The following SLIT2 variants were observed in gnomAD, a reference collection of about 807,000 sequenced individuals.
SLIT2 encodes the protein slit guidance ligand 2, also known as slit homolog 2 protein.
SLIT2 carries 41 observed loss-of-function variants against 185.7 expected under a neutral mutation model. The observed-to-expected ratio is 0.22, with a 90% CI of 0.17 to 0.29. The LOEUF is 0.29. SLIT2 is among the 10% of genes least tolerant of loss of function. The pLI is 1.00. For synonymous variants in SLIT2, 693 were observed against 680.2 expected, an observed-to-expected ratio of 1.02 and a Z score of -0.29; for missense variants, 1,571 against 1,909.0, an observed-to-expected ratio of 0.82 and a Z score of 3.30.
At chr4:20,597,533 A>C (rs1362661197) in intron 32 of SLIT2, among the ~76,000 whole-genome samples, 1 of 152,232 alleles carries the variant, frequency 6.6e-6, no homozygotes, top group Non-Finnish European at 1.5e-5. Context: ...TATAGTGTAC[A>C]TGGGGCAAAT....
At chr4:20,464,887 T>C (rs1332725373) in intron 4 of SLIT2, among the ~76,000 whole-genome samples, 1 of 152,184 alleles carries the variant, frequency 6.6e-6, no homozygotes, top group African/African-American at 2.4e-5. Context: ...ATTCGCCTCA[T>C]CTTCTTTACT....
Position 20,458,390 on chromosome 4 carries a change from A to AAGGTACCATTT in SLIT2, c.396-9360_396-9350dup, listed in dbSNP as rs550969743. Among the ~76,000 whole-genome samples, 79 of 152,296 alleles carry AAGGTACCATTT rather than the reference A, an allele frequency of 5.2e-4. No individual in the cohort carries two copies. In the South Asian group the frequency reaches 0.014, roughly 28 times the overall value. ...TGTTTGTAAACCAAACAAAAGCTAG[A>AAGGTACCATTT]AGGTACCATTTATCAGAGGAGTTCC... On this transcript the variant is annotated intron_variant, in intron 4 of 36. Transcript: ENST00000504154.
At chr4:20,585,633 A>C (rs6816381) in intron 29 of SLIT2, among the ~76,000 whole-genome samples, 10,165 of 152,222 alleles carry the variant, frequency 0.067, 505 homozygotes, top group African/African-American at 0.14. Flanking sequence ...TCTTGATGTC[A>C]GTTTAAACGT....
intron 4 of SLIT2, among the ~76,000 whole-genome samples, chr4:20,342,058 A>T (rs913075399): frequency 2.0e-5 from 3 of 152,294 alleles, no homozygotes; most frequent in East Asian, 1.9e-4. Flanking sequence ...CAGTTCAGTG[A>T]GTTGAATTCA....
intron 28 of SLIT2, 26 bp downstream of exon 28, chr4:20,567,641 G>A: frequency 6.7e-7 from 1 of 1,496,426 alleles, no homozygotes; most frequent in Non-Finnish European, 9.3e-7. Context: ...ATGACCATCT[G>A]TGTCTGAAGT....
intron 4 of SLIT2, among the ~76,000 whole-genome samples, chr4:20,356,316 C>A (rs1477143210): frequency 3.3e-5 from 5 of 152,114 alleles, no homozygotes; most frequent in Non-Finnish European, 5.9e-5. Flanking sequence ...TCAAATATCC[C>A]AGAATATGGT....
At position 20,252,005 on chromosome 4, in the gene SLIT2, C is replaced by G. The variant is rs958722945; in HGVS notation, c.-1811C>G. Among the ~76,000 whole-genome samples the G allele has an allele frequency of 6.6e-6, 1 of 151,954 alleles. No individual in the cohort carries two copies. The highest frequency in any genetic ancestry group is 1.5e-5 in the Non-Finnish European group (1 of 67,956). ...GTGGTTAAAAAAAAGAAGGCGGCGG[C>G]GGCGGCGGCGGCGGAGGCGGAGGCA... On this transcript the variant is annotated 5_prime_UTR_variant, in exon 1 of 37. Transcript: ENST00000504154.
chr4:20,319,809 A>C (rs998647672), intron 4 of SLIT2, among the ~76,000 whole-genome samples: 64 of 136,820 alleles, frequency 4.7e-4, no homozygotes, highest in African/African-American at 1.4e-3. Flanking sequence ...TAAAAAACAA[A>C]ACAAAAAAAA....
intron 4 of SLIT2, among the ~76,000 whole-genome samples, chr4:20,442,879 A>C (rs944356295): frequency 6.6e-6 from 1 of 152,160 alleles, no homozygotes; most frequent in African/African-American, 2.4e-5. Flanking sequence ...TTTTAGATTG[A>C]GAGTTTTTCA....
At chr4:20,364,441 C>G (rs1373429746) in intron 4 of SLIT2, among the ~76,000 whole-genome samples, 1 of 152,100 alleles carries the variant, frequency 6.6e-6, no homozygotes, top group South Asian at 2.1e-4. Context: ...ATGACAAAAT[C>G]TAAAGATATC....
intron 4 of SLIT2, among the ~76,000 whole-genome samples, chr4:20,464,846 T>A (rs1714165240): frequency 2.0e-5 from 3 of 152,204 alleles, no homozygotes; most frequent in African/African-American, 4.8e-5. Context: ...AGTATTTTTT[T>A]TAATTCACTT....
chr4:20,284,494 C>T (rs1715083748), intron 4 of SLIT2, among the ~76,000 whole-genome samples: 1 of 152,090 alleles, frequency 6.6e-6, no homozygotes, highest in South Asian at 2.1e-4. Flanking sequence ...GTAGGGAGAA[C>T]AAAGGAACCA....
chr4:20,360,668 T>A (rs1455766176), intron 4 of SLIT2, among the ~76,000 whole-genome samples: 2 of 152,138 alleles, frequency 1.3e-5, no homozygotes, highest in Non-Finnish European at 2.9e-5. Flanking sequence ...AAAAAATATA[T>A]GTGATTAAAT....
chr4:20,404,389 G>A (rs962035554), intron 4 of SLIT2, among the ~76,000 whole-genome samples: 1 of 151,912 alleles, frequency 6.6e-6, no homozygotes, highest in African/African-American at 2.4e-5. Flanking sequence ...AGATATCCCT[G>A]ATTCACATCT....
chr4:20,559,914 T>C (rs930564274), intron 26 of SLIT2, among the ~76,000 whole-genome samples: 17 of 151,914 alleles, frequency 1.1e-4, no homozygotes, highest in Admixed American at 6.6e-5. Context: ...TGAACTACCC[T>C]CAAAAGCTTT....
chr4:20,589,797 C>A, intron 30 of SLIT2, 60 bp downstream of exon 30: 1 of 1,112,138 alleles, frequency 9.0e-7, no homozygotes, highest in Non-Finnish European at 1.4e-6. Context: ...ATTTTAGGAG[C>A]CCTTCTCCTC....
At chr4:20,559,960 A>G (rs1577925926) in intron 26 of SLIT2, among the ~76,000 whole-genome samples, 1 of 151,952 alleles carries the variant, frequency 6.6e-6, no homozygotes, top group East Asian at 1.9e-4. Flanking sequence ...GGATTGGTAG[A>G]AGGCCAAGTA....
chr4:20,599,158 A>C (rs1281577449), intron 33 of SLIT2, among the ~76,000 whole-genome samples: 1 of 152,150 alleles, frequency 6.6e-6, no homozygotes, highest in Non-Finnish European at 1.5e-5. Context: ...TGTCTTAGGG[A>C]ATCTTGACCA....
intron 4 of SLIT2, among the ~76,000 whole-genome samples, chr4:20,404,868 G>A (rs556777053): frequency 6.6e-6 from 1 of 152,102 alleles, no homozygotes; most frequent in East Asian, 1.9e-4. Flanking sequence ...AAGATCGTAT[G>A]AGTCCAGATG....
Sources: allele counts gnomAD v4.1 joint callset (sites outside exome capture counted in the v4.1 genomes callset), GRCh38; gene constraint gnomAD v4.1.1; transcripts MANE v1.5; gene names NCBI Gene and HGNC (gene_info 2026-07-23, HGNC 2026-07-21).